SATB1: variants seen among roughly 807,000 people sequenced by gnomAD.
The protein encoded by SATB1 is DNA-binding protein SATB1.
SATB1 carries 11 observed loss-of-function variants against 86.9 expected under a neutral mutation model. The ratio of observed to expected loss-of-function variants is 0.13; its 90% CI spans 0.08 to 0.21. The LOEUF is 0.21. Among genes scored for constraint, SATB1 ranks in the 10% least tolerant of loss-of-function variants. The probability of loss-of-function intolerance (pLI) is 1.00; values close to 1 mark genes in which losing one functional copy is unlikely to be tolerated. For synonymous variants in SATB1, 357 were observed against 357.2 expected (o/e 1.00, Z 0.01); for missense variants, 551 against 937.6 (o/e 0.59, Z 5.39).
At chr3:18,445,360 G>A in intron 1 of SATB1, 1 of 985,210 alleles carries the variant, frequency 1.0e-6, no homozygotes, top group South Asian at 4.5e-5. Context: ...GGGGTGTGGG[G>A]GGCGGCGGGC....
At chr3:18,434,021 C>T (rs1304833161) in intron 2 of SATB1, among the ~76,000 whole-genome samples, 1 of 151,978 alleles carries the variant, frequency 6.6e-6, no homozygotes, top group African/African-American at 2.4e-5. Flanking sequence ...AAACAAATAG[C>T]ACATTTATGA....
chr3:18,410,966 T>G (rs1697805077), intron 5 of SATB1: 1 of 394,940 alleles, frequency 2.5e-6, no homozygotes, highest in African/African-American at 2.1e-5. Flanking sequence ...GTACTGAAGC[T>G]AAGCTTCAGG....
chr3:18,369,251 A>T (rs1283120484), intron 9 of SATB1, among the ~76,000 whole-genome samples: 2 of 151,908 alleles, frequency 1.3e-5, no homozygotes, highest in African/African-American at 2.4e-5. Context: ...GTTCAAATAA[A>T]CAGTTTAACA....
At chr3:18,414,775 T>A (rs559648568) in intron 5 of SATB1, among the ~76,000 whole-genome samples, 1 of 152,088 alleles carries the variant, frequency 6.6e-6, no homozygotes, top group Non-Finnish European at 1.5e-5. Context: ...TAGTACCACC[T>A]CGACTCTTTC....
rs1698356763 is a variant in SATB1, at chr3:18,420,873, C to T, written c.95G>A (p.Arg32His). 2 of 1,614,160 alleles carry T rather than the reference C, an allele frequency of 1.2e-6. No individual in the cohort carries two copies. The highest frequency in any genetic ancestry group is 1.7e-6 in the Non-Finnish European group (2 of 1,180,022). The change falls in exon 2 of 11, where the codon CGC (arginine) becomes CAC (histidine). Residue 32 changes from arginine (R) to histidine (H), a missense_variant. By Grantham distance (29) the Arg-to-His change is conservative. This residue lies in a region of SATB1 where 153 missense variants were observed against 258.1 expected (regional missense o/e 0.59). Transcript: ENST00000338745. ...TAGCGGGCTCCCGTTCTGCTCCAGGCGGGCAATCTTGGCTGGTGGACCCTT... is the reference window on the plus strand; with the variant it reads ...TAGCGGGCTCCCGTTCTGCTCCAGGTGGGCAATCTTGGCTGGTGGACCCTT... Reference protein sequence around the residue: ...DPKGPPAKIARLEQNGSPLGR... With the variant: ...DPKGPPAKIAHLEQNGSPLGR...
intron 2 of SATB1, among the ~76,000 whole-genome samples, chr3:18,433,821 T>C (rs1698969449): frequency 6.6e-6 from 1 of 152,062 alleles, no homozygotes; most frequent in South Asian, 2.1e-4. Context: ...AAAAATTTAT[T>C]AGATAACTAG....
Position 18,346,017 on chromosome 3 carries a change from CTTATT to C in SATB1, c.*3148_*3152del, listed in dbSNP as rs932668476. 14 of 152,054 alleles carry C rather than the reference CTTATT, an allele frequency of 9.2e-5. No homozygotes were observed. The highest frequency in any genetic ancestry group is 2.9e-4 in the African/African-American group (12 of 41,414). The allele number at this position is 152,054 out of a possible 1,614,324, so 9.4% of individuals were successfully genotyped here. ...GATATCGCTACTTTGAAAAAAATCACTTATTTTAAACTCAGAATTTCTTAGTACTA... is the reference window on the plus strand; with the variant it reads ...GATATCGCTACTTTGAAAAAAATCACTTAAACTCAGAATTTCTTAGTACTA... On this transcript the variant is annotated 3_prime_UTR_variant, in exon 11 of 11. Coordinates refer to ENST00000338745, the MANE Select transcript of SATB1 (RefSeq NM_002971.6).
At chr3:18,408,925 C>A (rs1343605578) in intron 5 of SATB1, 1 of 151,814 alleles carries the variant, frequency 6.6e-6, no homozygotes, top group Non-Finnish European at 1.5e-5. Context: ...AATAGGCTTT[C>A]TCTCAGGCCA....
chr3:18,386,874 T>C lies in SATB1; in HGVS notation c.1207-263A>G, dbSNP rs1249726081. Among the ~76,000 whole-genome samples, 2 of 152,198 alleles carry C rather than the reference T, an allele frequency of 1.3e-5. No homozygotes were observed. The highest frequency in any genetic ancestry group is 2.9e-5 in the Non-Finnish European group (2 of 68,042). On this transcript the variant is annotated intron_variant, in intron 7 of 10. Coordinates refer to ENST00000338745, the MANE Select transcript of SATB1 (RefSeq NM_002971.6). The surrounding 1 kb of genome is among the most constrained non-coding windows in gnomAD (Gnocchi z 4.5). ...TTCCTTTGAGTAGCTTAACTTGCCA[T>C]GAAATCTTTCACAGAGAGACGATCC...
chr3:18,432,247 C>G (rs1477062981), intron 2 of SATB1, among the ~76,000 whole-genome samples: 1 of 152,136 alleles, frequency 6.6e-6, no homozygotes, highest in East Asian at 1.9e-4. Context: ...CTTTAATATT[C>G]TCAGAAAGCT....
chr3:18,440,185 T>C (rs1699199628), upstream of SATB1, among the ~76,000 whole-genome samples: 1 of 152,190 alleles, frequency 6.6e-6, no homozygotes, highest in African/African-American at 2.4e-5. Flanking sequence ...TTTGAACATA[T>C]TTATCCTGAG....
chr3:18,352,023 T>C lies in SATB1; in HGVS notation c.1748A>G (p.His583Arg). 6.2e-7 allele frequency: 1 copy of C among 1,614,224 alleles called. No individual in the cohort carries two copies. Among genetic ancestry groups the C allele is most frequent in the Non-Finnish European group, 8.5e-7 (1 of 1,180,030 alleles). ...AVHHHGDRPP[H>R]IIHVPAEQIQ... ...CTGCTCTGCTGGAACATGGATAATG[T>C]GGGGCGGCCTGTCGCCATGGTGATG... Residue 583 changes from histidine (H) to arginine (R), a missense_variant, in exon 10 of 11, where the codon CAC becomes CGC. This residue lies in a region of SATB1 where 87 missense variants were observed against 103.6 expected (regional missense o/e 0.84). Transcript: ENST00000338745. The surrounding 1 kb of genome is among the most constrained non-coding windows in gnomAD (Gnocchi z 4.1).
chr3:18,391,457 C>T lies in SATB1; in HGVS notation c.1206+3005G>A, dbSNP rs575466505. 2.9e-3 allele frequency among the ~76,000 whole-genome samples: 434 copies of T among 151,280 alleles called. 5 individuals carry two copies. Among genetic ancestry groups the T allele is most frequent in the African/African-American group, 0.01 (415 of 41,226 alleles). ...GTTAGTTACATATGTATACATGTGCCGTGCTGGTGCGCTGCACCCACTAAG... is the reference window on the plus strand; with the variant it reads ...GTTAGTTACATATGTATACATGTGCTGTGCTGGTGCGCTGCACCCACTAAG... On this transcript the variant is annotated intron_variant, in intron 7 of 10. Coordinates refer to ENST00000338745, the MANE Select transcript of SATB1 (RefSeq NM_002971.6).
chr3:18,436,392 A>T (rs760035223), intron 2 of SATB1, among the ~76,000 whole-genome samples: 1 of 151,226 alleles, frequency 6.6e-6, no homozygotes, highest in African/African-American at 2.4e-5. Context: ...GCTCTGTTTG[A>T]CTCCGGTATT....
rs201635532 is a variant in SATB1, at chr3:18,436,379, AGT to A, written c.-25+408_-25+409del. On this transcript the variant is annotated intron_variant, in intron 2 of 3. Coordinates refer to the SATB1 transcript ENST00000414509. ...GCTCAAATTGCAAGGAACTCAGGGG[AGT>A]GCTCTGTTTGACTCCGGTATTGTTT... Among the ~76,000 whole-genome samples the A allele has an allele frequency of 3.0e-4, 46 of 152,150 alleles. No individual in the cohort carries two copies. The East Asian group carries it at 7.5e-3, about 25-fold the overall frequency.
At position 18,430,830 on chromosome 3, in the gene SATB1, G is replaced by T. The variant is rs114101364; in HGVS notation, c.-25+5959C>A. Among the ~76,000 whole-genome samples the T allele has an allele frequency of 2.3e-3, 346 of 152,300 alleles. 3 individuals are homozygous for T. The highest frequency in any genetic ancestry group is 8.0e-3 in the African/African-American group (331 of 41,564). On this transcript the variant is annotated intron_variant, in intron 2 of 3. Coordinates refer to the SATB1 transcript ENST00000414509. ...ATTACTTGGCATAGATGTAAATACA[G>T]AGTGGTAATTCATGATACAGTTTTA...
chr3:18,352,222 G>A lies in SATB1; in HGVS notation c.1576-27C>T, dbSNP rs1694400623. 4 of 1,604,378 alleles carry A rather than the reference G, an allele frequency of 2.5e-6. No individual in the cohort carries two copies. In the African/African-American group the frequency reaches 5.3e-5, roughly 21 times the overall value. ...TTAGAGACAAGGGCATAATAGGTCAGTTTGTGCCTATGAGAGGGGCTGGCA... is the reference window on the plus strand; with the variant it reads ...TTAGAGACAAGGGCATAATAGGTCAATTTGTGCCTATGAGAGGGGCTGGCA... On this transcript the variant is annotated intron_variant, in intron 9 of 10. Transcript: ENST00000338745. This position sits in a 1 kb window ranked among gnomAD's most constrained non-coding sequence, Gnocchi z 4.1.
upstream of SATB1, among the ~76,000 whole-genome samples, chr3:18,426,011 G>A (rs942007874): frequency 9.9e-5 from 15 of 152,222 alleles, no homozygotes; most frequent in African/African-American, 3.4e-4. The surrounding 1 kb of genome is among the most constrained non-coding windows in gnomAD (Gnocchi z 4.2). Flanking sequence ...CGGCCCCGTG[G>A]GAGAAGGGCG....
In SATB1 at chr3:18,386,690, C is replaced by T. The variant is rs73177726; in HGVS notation, c.1207-79G>A. ...GCAGTGATCCTTCCCTTTTCTTCTC[C>T]ACTCTGTTTAGAAAATGAACAGTCA... On this transcript the variant is annotated intron_variant, in intron 7 of 10. Coordinates refer to ENST00000338745, the MANE Select transcript of SATB1 (RefSeq NM_002971.6). This position sits in a 1 kb window ranked among gnomAD's most constrained non-coding sequence, Gnocchi z 4.5. 0.019 allele frequency: 21,704 copies of T among 1,148,436 alleles called. 979 individuals carry two copies. The highest frequency in any genetic ancestry group is 0.15 in the African/African-American group (10,058 of 65,474). The allele number at this position is 1,148,436 out of a possible 1,614,324, so 71.1% of individuals were successfully genotyped here.
Sources: gnomAD v4.1 joint callset for allele counts (sites outside exome capture counted in the v4.1 genomes callset) on GRCh38, gnomAD v4.1.1 for gene constraint, gnomAD v4.1.1 regional missense constraint, Gnocchi (gnomAD v3.1) non-coding constraint, MANE v1.5 for transcripts, NCBI Gene and HGNC (gene_info 2026-07-23, HGNC 2026-07-21) for gene names.